GAS6: variants seen among roughly 807,000 people sequenced by gnomAD.
GAS6 encodes growth arrest specific 6.
GAS6 carries 41 observed loss-of-function variants against 75.8 expected under a neutral mutation model. That is an observed-to-expected ratio of 0.54 (90% CI 0.42 to 0.70). The LOEUF (loss-of-function observed/expected upper bound fraction) is 0.70. GAS6 is among the 30% of genes least tolerant of loss of function. The pLI is 0.00. For missense variants in GAS6, 854 were observed against 940.2 expected, an observed-to-expected ratio of 0.91 and a Z score of 1.20; for synonymous variants, 432 against 412.6, an observed-to-expected ratio of 1.05 and a Z score of -0.57.
chr13:113,828,156 T>C (rs893155209), intron 11 of GAS6, among the ~76,000 whole-genome samples: 14 of 151,908 alleles, frequency 9.2e-5, no homozygotes, highest in South Asian at 6.3e-4. Flanking sequence ...CCCAGCTGCC[T>C]GGGAGGCTGA....
At chr13:113,858,713 CTA>C (rs1267133857) in intron 2 of GAS6, among the ~76,000 whole-genome samples, 5 of 151,060 alleles carry the variant, frequency 3.3e-5, no homozygotes, top group Admixed American at 2.0e-4. Context: ...GTATGTACAT[CTA>C]TGTGAATGTG....
chr13:113,856,547 G>A (rs561529964), intron 2 of GAS6, among the ~76,000 whole-genome samples: 5 of 152,260 alleles, frequency 3.3e-5, no homozygotes, highest in African/African-American at 4.8e-5. Flanking sequence ...CGAGCTGAGC[G>A]ACGGACGAGC....
intron 4 of GAS6, chr13:113,840,121 G>A: frequency 2.2e-6 from 1 of 460,416 alleles, no homozygotes; most frequent in Middle Eastern, 5.8e-4. Flanking sequence ...GAAGGGCTGA[G>A]GGCAAAGGAG....
At chr13:113,833,499 C>A in intron 8 of GAS6, 1 of 993,458 alleles carries the variant, frequency 1.0e-6, no homozygotes, top group East Asian at 1.1e-4. Flanking sequence ...CAGGCACAGG[C>A]CCAGGCTGAA....
At position 113,863,526 on chromosome 13, in the gene GAS6, G is replaced by A. The variant is rs1441389521; in HGVS notation, c.255+49C>T. 3.4e-6 allele frequency: 5 copies of A among 1,474,310 alleles called. No individual in the cohort carries two copies. Among genetic ancestry groups the A allele is most frequent in the Non-Finnish European group, 4.5e-6 (5 of 1,119,092 alleles). The allele number at this position is 1,474,310 out of a possible 1,614,324, so 91.3% of individuals were successfully genotyped here. On this transcript the variant is annotated intron_variant, in intron 2 of 14. Transcript: ENST00000327773. This position sits in a 1 kb window ranked among gnomAD's most constrained non-coding sequence, Gnocchi z 9.4. Reference sequence around the variant, plus strand: ...CGCTGCCTCTCGGGAGCGGTTGGAGGCGCGCGGGCGCCAGGGGTTCCCCCG... The same window carrying A: ...CGCTGCCTCTCGGGAGCGGTTGGAGACGCGCGGGCGCCAGGGGTTCCCCCG...
intron 2 of GAS6, among the ~76,000 whole-genome samples, chr13:113,858,965 T>G (rs1355165303): frequency 7.0e-6 from 1 of 143,342 alleles, no homozygotes; most frequent in Non-Finnish European, 1.5e-5. Context: ...CATGTCTGTG[T>G]GACTGTATGT....
intron 2 of GAS6, among the ~76,000 whole-genome samples, chr13:113,854,660 G>A (rs1019824624): frequency 3.3e-5 from 5 of 152,382 alleles, no homozygotes; most frequent in Admixed American, 6.5e-5. Flanking sequence ...AGGAAGGCCC[G>A]CTGTCTTTCA....
intron 2 of GAS6, among the ~76,000 whole-genome samples, chr13:113,859,238 G>A (rs557868415): frequency 2.0e-5 from 3 of 151,442 alleles, no homozygotes; most frequent in Admixed American, 2.0e-4. Flanking sequence ...ATGTCTGTGT[G>A]TGCCTATGTA....
At chr13:113,862,172 A>G (rs780742752) in intron 2 of GAS6, among the ~76,000 whole-genome samples, 9 of 152,240 alleles carry the variant, frequency 5.9e-5, no homozygotes. Context: ...GGCAGCGTCC[A>G]GTCTGATTGA....
At chr13:113,852,860 A>G (rs565607784) in intron 2 of GAS6, among the ~76,000 whole-genome samples, 16 of 152,232 alleles carry the variant, frequency 1.1e-4, no homozygotes, top group Non-Finnish European at 2.1e-4. Flanking sequence ...CCAACCCCCA[A>G]ATGACCTTTA....
chr13:113,863,663 G>A lies in GAS6; in HGVS notation c.167C>T (p.Ala56Val). Residue 56 changes from alanine to valine, a missense_variant, in exon 2 of 15, where the codon GCC (alanine) becomes GTC (valine). Transcript: ENST00000327773. The surrounding 1 kb of genome is among the most constrained non-coding windows in gnomAD (Gnocchi z 9.4). ...CTCCCTCTCCAGGTGGCCCTGCTTG[G>A]CCTCCTCGAAGACCTGAAAGGCGCG... The part of the protein sequence containing the change: ...QRRAFQVFEE[A>V]KQGHLERECV... 1 of 1,522,062 alleles carries A rather than the reference G, an allele frequency of 6.6e-7. No individual in the cohort carries two copies. The highest frequency in any genetic ancestry group is 8.8e-7 in the Non-Finnish European group (1 of 1,134,882). 94.3% of individuals were successfully genotyped at this position (1,522,062 alleles called of 1,614,324 possible).
chr13:113,833,321 G>A lies in GAS6; in HGVS notation c.835-569C>T, dbSNP rs2051653315. On this transcript the variant is annotated intron_variant, in intron 8 of 14. Coordinates refer to ENST00000327773, the MANE Select transcript of GAS6 (RefSeq NM_000820.4). ...CCTCTGCATGAGTACATGAGGCAGCGAGGCAAAGAACCTCAAGGCGAGGGC... is the reference window on the plus strand; with the variant it reads ...CCTCTGCATGAGTACATGAGGCAGCAAGGCAAAGAACCTCAAGGCGAGGGC... 7.0e-6 allele frequency: 7 copies of A among 1,001,738 alleles called. No individual in the cohort carries two copies. In the South Asian group the frequency reaches 1.7e-4, roughly 25 times the overall value. The allele number at this position is 1,001,738 out of a possible 1,614,324, so 62.1% of individuals were successfully genotyped here. A position where few individuals can be genotyped will look rare whatever the true frequency, so the allele number is the denominator to read the frequency against.
At chr13:113,830,992 G>A (rs74118431) in intron 10 of GAS6, among the ~76,000 whole-genome samples, 5,233 of 152,382 alleles carry the variant, frequency 0.034, 316 homozygotes, top group African/African-American at 0.12. Flanking sequence ...TGCTTTGCAG[G>A]ATGGAAATAC....
At chr13:113,854,563 G>A (rs1594209005) in intron 2 of GAS6, among the ~76,000 whole-genome samples, 1 of 152,258 alleles carries the variant, frequency 6.6e-6, no homozygotes, top group East Asian at 1.9e-4. Context: ...GTCCTGTGGT[G>A]CACAACATTC....
At chr13:113,833,586 G>A in intron 8 of GAS6, 2 of 1,020,574 alleles carry the variant, frequency 2.0e-6, no homozygotes, top group Non-Finnish European at 2.3e-6. Flanking sequence ...ACAGGTCAGT[G>A]TGACAGGTCG....
chr13:113,840,658 C>G lies in GAS6; in HGVS notation c.344-808G>C, dbSNP rs575262707. On this transcript the variant is annotated intron_variant, in intron 4 of 14. Coordinates refer to ENST00000327773, the MANE Select transcript of GAS6 (RefSeq NM_000820.4). ...ACAGTGCAGTTACGCAAGCCTGAGC[C>G]CCGGGAAGTTGGCAGAAAGAACGAC... The G allele has an allele frequency of 2.0e-5, 3 of 152,352 alleles. No homozygotes were observed. In the East Asian group the frequency reaches 5.8e-4, roughly 29 times the overall value. The allele number at this position is 152,352 out of a possible 1,614,324, so 9.4% of individuals were successfully genotyped here.
intron 2 of GAS6, among the ~76,000 whole-genome samples, chr13:113,854,748 G>A (rs548624523): frequency 4.3e-4 from 65 of 152,356 alleles, no homozygotes; most frequent in Non-Finnish European, 6.2e-4. Flanking sequence ...GCATCCTTGC[G>A]GGCCCTGAGA....
chr13:113,841,571 G>A (rs1199602431), intron 4 of GAS6: 2 of 149,992 alleles, frequency 1.3e-5, no homozygotes, highest in Non-Finnish European at 2.8e-5. Context: ...ACACCCCACA[G>A]TTTCCTCCAT....
intron 2 of GAS6, among the ~76,000 whole-genome samples, chr13:113,850,079 C>T (rs1308387931): frequency 6.6e-6 from 1 of 152,208 alleles, no homozygotes; most frequent in Admixed American, 6.5e-5. Flanking sequence ...GAGATAAAGA[C>T]ATTTCACATT....
Sources: gnomAD v4.1 joint callset for allele counts (sites outside exome capture counted in the v4.1 genomes callset) on GRCh38, gnomAD v4.1.1 for gene constraint, Gnocchi (gnomAD v3.1) non-coding constraint, MANE v1.5 for transcripts, NCBI Gene and HGNC (gene_info 2026-07-23, HGNC 2026-07-21) for gene names.